IFT52: variants seen among roughly 807,000 people sequenced by gnomAD.
IFT52 encodes intraflagellar transport protein 52 homolog.
A neutral mutation model predicts 54.4 loss-of-function variants in IFT52; 44 were observed. The ratio of observed to expected loss-of-function variants is 0.81; its 90% confidence interval spans 0.63 to 1.04. IFT52 has a LOEUF of 1.04. Among genes scored for constraint, IFT52 ranks in the 50% least tolerant of loss-of-function variants. The pLI is 0.00. For synonymous variants in IFT52, 181 were observed against 185.3 expected (o/e 0.98, Z 0.19); for missense variants, 452 against 523.6 (o/e 0.86, Z 1.33).
chr20:43,622,291 T>C (rs1004872509), intron 9 of IFT52, among the ~76,000 whole-genome samples: 12 of 152,278 alleles, frequency 7.9e-5, no homozygotes, highest in Admixed American at 7.9e-4. Context: ...CTTCATTATT[T>C]AAGTGTAATA....
In IFT52 at chr20:43,596,784, G is replaced by A. The variant is rs561835103; in HGVS notation, c.207+262G>A. 8.9e-4 allele frequency among the ~76,000 whole-genome samples: 116 copies of A among 131,014 alleles called. 1 individual carries two copies. Among genetic ancestry groups the A allele is most frequent in the African/African-American group, 3.0e-3 (100 of 33,830 alleles). 86.0% of individuals were successfully genotyped at this position (131,014 alleles called of 152,430 possible). ...TGAGACAGAGTCTCGCTCTGTCGCC[G>A]AGGCTGGAGTGCAGTGGCGCAATCT... is the stretch of plus-strand genomic sequence containing the variant. On this transcript the variant is annotated intron_variant, in intron 3 of 13. Transcript: ENST00000373030.
At chr20:43,627,338 T>TA (rs1425746237) in intron 10 of IFT52, among the ~76,000 whole-genome samples, 1 of 152,202 alleles carries the variant, frequency 6.6e-6, no homozygotes, top group Non-Finnish European at 1.5e-5. Context: ...TGATGGGTCA[T>TA]AAAAAATGAG....
At chr20:43,636,655 T>C (rs1985558904) in intron 11 of IFT52, among the ~76,000 whole-genome samples, 1 of 152,220 alleles carries the variant, frequency 6.6e-6, no homozygotes, top group Non-Finnish European at 1.5e-5. Context: ...GACTCCAGGT[T>C]CAATACTTTC....
chr20:43,591,314 C>T (rs1981495370), intron 1 of IFT52, among the ~76,000 whole-genome samples: 1 of 152,246 alleles, frequency 6.6e-6, no homozygotes, highest in Non-Finnish European at 1.5e-5. Context: ...ATCGTACAGT[C>T]TTAATCTCTC....
chr20:43,646,528 G>A (rs73907880), intron 13 of IFT52, among the ~76,000 whole-genome samples: 1,663 of 152,276 alleles, frequency 0.011, 22 homozygotes, highest in African/African-American at 0.03. Flanking sequence ...CGTGGTCTAA[G>A]TGCCATCCAT....
At chr20:43,600,235 A>G (rs61500706) in intron 3 of IFT52, among the ~76,000 whole-genome samples, 4,406 of 152,264 alleles carry the variant, frequency 0.029, 222 homozygotes, top group African/African-American at 0.092. Context: ...TGGCAATTCA[A>G]ATCATGAGCC....
chr20:43,637,200 T>C lies in IFT52; in HGVS notation c.1067T>C (p.Leu356Ser). Residue 356 changes from leucine (L) to serine (S), a missense_variant, in exon 12 of 14, where the codon TTA (leucine) becomes TCA (serine). Transcript: ENST00000373030. ...CCTCCTCCTCTGGAGCTATTTGATT[T>C]AGATGAAACGTTCTCCTCTGAGAAG... ...LPPPPLELFD[L>S]DETFSSEKAR... is the part of the protein sequence containing the mutation. The C allele has an allele frequency of 6.2e-7, 1 of 1,608,632 alleles. No individual in the cohort carries two copies.
intron 1 of IFT52, among the ~76,000 whole-genome samples, chr20:43,592,230 G>C (rs1454584791): frequency 2.0e-5 from 3 of 152,114 alleles, no homozygotes; most frequent in Non-Finnish European, 4.4e-5. Flanking sequence ...TGGGGAGGCT[G>C]AGGCAGGAGA....
At chr20:43,617,595 C>T (rs1227393986) in intron 7 of IFT52, among the ~76,000 whole-genome samples, 2 of 152,154 alleles carry the variant, frequency 1.3e-5, no homozygotes, top group Non-Finnish European at 2.9e-5. Context: ...AGGCATGCAC[C>T]ACCATGCCTG....
At chr20:43,622,429 T>C (rs1455026528) in intron 9 of IFT52, among the ~76,000 whole-genome samples, 2 of 131,860 alleles carry the variant, frequency 1.5e-5, no homozygotes, top group East Asian at 2.3e-4. Flanking sequence ...AAACCCCATT[T>C]CTACTAAAAA....
chr20:43,593,229 C>T (rs1981675673), intron 1 of IFT52, among the ~76,000 whole-genome samples: 1 of 152,162 alleles, frequency 6.6e-6, no homozygotes, highest in Non-Finnish European at 1.5e-5. Context: ...AACTATCTCA[C>T]TAACTTCAAA....
chr20:43,614,359 C>T (rs967960640), intron 7 of IFT52, among the ~76,000 whole-genome samples: 1 of 151,702 alleles, frequency 6.6e-6, no homozygotes, highest in African/African-American at 2.4e-5. Context: ...CTCAGCCTCC[C>T]GAGTAGCTAA....
At chr20:43,640,557 A>G (rs974246410) in intron 12 of IFT52, among the ~76,000 whole-genome samples, 4 of 152,182 alleles carry the variant, frequency 2.6e-5, no homozygotes, top group Non-Finnish European at 5.9e-5. Flanking sequence ...TTAGAAAACT[A>G]TTCTAGTTTG....
intron 3 of IFT52, among the ~76,000 whole-genome samples, chr20:43,601,448 CACTT>C (rs1463445932): frequency 1.3e-5 from 2 of 152,340 alleles, no homozygotes; most frequent in East Asian, 1.9e-4. Context: ...AGAAGGGTCT[CACTT>C]ACGTGTATAG....
rs769180754 is a variant in IFT52, at chr20:43,620,927, T to C, written c.768+2T>C. The stretch of plus-strand genomic sequence containing the variant: ...CAGATTGATGCTGAGGACCCAGAGG[T>C]AGACACCGAATTATTAGAAACTTTT... On this transcript the variant is annotated splice_donor_variant, in intron 9 of 13. Transcript: ENST00000373030. LOFTEE classifies it high-confidence loss of function. The C allele has an allele frequency of 1.9e-6, 3 of 1,606,916 alleles. No homozygotes were observed. Among genetic ancestry groups the C allele is most frequent in the African/African-American group, 2.7e-5 (2 of 74,602 alleles).
At position 43,647,236 on chromosome 20, in the gene IFT52, A is replaced by AT. The variant is rs530336272; in HGVS notation, c.*262dup. The AT allele has an allele frequency of 2.6e-3, 1,262 of 487,950 alleles. 9 individuals carry two copies. The highest frequency in any genetic ancestry group is 9.2e-3 in the Middle Eastern group (17 of 1,848). The allele number at this position is 487,950 out of a possible 1,614,324, so 30.2% of individuals were successfully genotyped here. A position where few individuals can be genotyped will look rare whatever the true frequency, so the allele number is the denominator to read the frequency against. Reference sequence around the variant, plus strand: ...TTTTATACCCTATGAAACAGTCTTGATTTTTTTTTCTCAACCCCAGTTCTG... The same window carrying AT: ...TTTTATACCCTATGAAACAGTCTTGATTTTTTTTTTCTCAACCCCAGTTCTG... On this transcript the variant is annotated 3_prime_UTR_variant, in exon 14 of 14. Coordinates refer to ENST00000373030, the MANE Select transcript of IFT52 (RefSeq NM_016004.5).
intron 12 of IFT52, among the ~76,000 whole-genome samples, chr20:43,640,020 C>T (rs772982536): frequency 9.2e-5 from 14 of 151,796 alleles, no homozygotes; most frequent in Middle Eastern, 3.4e-3. Context: ...CAAAATTAGC[C>T]GGGCATGGTG....
At chr20:43,613,714 A>G in intron 6 of IFT52, 136 bp from the exon 7 acceptor site, 14 of 785,386 alleles carry the variant, frequency 1.8e-5, no homozygotes, top group Non-Finnish European at 2.9e-5. Flanking sequence ...CCAAGATCGC[A>G]CCACTGCACT....
intron 3 of IFT52, among the ~76,000 whole-genome samples, chr20:43,602,137 T>TTTTA (rs59340088): frequency 0.066 from 4,047 of 61,038 alleles, 191 homozygotes; most frequent in African/African-American, 0.18. Flanking sequence ...TTTGAGCTGA[T>TTTTA]TTTTATTTTA....
Sources: allele counts gnomAD v4.1 joint callset (sites outside exome capture counted in the v4.1 genomes callset), GRCh38; gene constraint gnomAD v4.1.1; transcripts MANE v1.5; gene names NCBI Gene and HGNC (gene_info 2026-07-23, HGNC 2026-07-21).